The following FBXO42 variants were observed in gnomAD, a reference collection of about 807,000 sequenced individuals.
The protein encoded by FBXO42 is F-box only protein 42.
A neutral mutation model predicts 71.7 loss-of-function variants in FBXO42; 12 were observed. That is an observed-to-expected ratio of 0.17 (90% CI 0.11 to 0.27). The LOEUF (loss-of-function observed/expected upper bound fraction) is 0.27. Ranked by LOEUF, FBXO42 falls within the 10% of genes least tolerant of loss-of-function variation. The pLI is 1.00. For missense variants in FBXO42, 707 were observed against 911.9 expected, an observed-to-expected ratio of 0.78 and a Z score of 2.89; for synonymous variants, 325 against 327.5, an observed-to-expected ratio of 0.99 and a Z score of 0.08.
chr1:16,284,974 A>C (rs1253106915), intron 4 of FBXO42, among the ~76,000 whole-genome samples: 2 of 151,148 alleles, frequency 1.3e-5, no homozygotes, highest in African/African-American at 4.9e-5. Context: ...TGTCTCAAAA[A>C]ACAAAACAAA....
At position 16,349,870 on chromosome 1, in the gene FBXO42, A is replaced by G. The variant is rs571882508; in HGVS notation, c.-18+2385T>C. On this transcript the variant is annotated intron_variant, in intron 1 of 9. Transcript: ENST00000375592. ...AAAACTATGTCTCAAAAAACAAACA[A>G]AAAGAGTTAATTCATTGACTAAAAC... Among the ~76,000 whole-genome samples, 5 of 152,346 alleles carry G rather than the reference A, an allele frequency of 3.3e-5. No individual in the cohort carries two copies. In the South Asian group the frequency reaches 1.0e-3, roughly 32 times the overall value.
At position 16,252,454 on chromosome 1, in the gene FBXO42, A is replaced by T; in HGVS notation, c.922-50T>A. 7.3e-7 allele frequency: 1 copy of T among 1,374,132 alleles called. No individual in the cohort carries two copies. Among genetic ancestry groups the T allele is most frequent in the Non-Finnish European group, 1.0e-6 (1 of 965,006 alleles). 85.1% of individuals were successfully genotyped at this position (1,374,132 alleles called of 1,614,324 possible). A position where few individuals can be genotyped will look rare whatever the true frequency, so the allele number is the denominator to read the frequency against. On this transcript the variant is annotated intron_variant, in intron 8 of 9. Coordinates refer to ENST00000375592, the MANE Select transcript of FBXO42 (RefSeq NM_018994.3). The surrounding 1 kb of genome is among the most constrained non-coding windows in gnomAD (Gnocchi z 4.4). Reference sequence around the variant, plus strand: ...AGACTCAGGTGTGATATGCGTTCCAAAACACACACACACAGAGTTGCAGTC... The same window carrying T: ...AGACTCAGGTGTGATATGCGTTCCATAACACACACACACAGAGTTGCAGTC...
intron 1 of FBXO42, among the ~76,000 whole-genome samples, chr1:16,326,069 T>TCTGTGTGTG (rs1185676630): frequency 6.6e-6 from 1 of 151,284 alleles, no homozygotes; most frequent in African/African-American, 2.4e-5. Context: ...TCTGTGTGTG[T>TCTGTGTGTG]TTTGAGATGG....
chr1:16,350,796 A>AGAAAGAAAGAAAG (rs59531912), intron 1 of FBXO42, among the ~76,000 whole-genome samples: 3 of 151,186 alleles, frequency 2.0e-5, no homozygotes, highest in South Asian at 2.1e-4. Context: ...AAAGAAAGAA[A>AGAAAGAAAGAAAG]ATGGTCAAAT....
intron 4 of FBXO42, among the ~76,000 whole-genome samples, chr1:16,280,398 T>C (rs2081950681): frequency 1.3e-5 from 2 of 152,192 alleles, no homozygotes; most frequent in African/African-American, 2.4e-5. Flanking sequence ...GATGGGATCT[T>C]AGAACAGAAA....
intron 1 of FBXO42, among the ~76,000 whole-genome samples, chr1:16,349,309 C>T (rs1308862878): frequency 3.9e-5 from 6 of 152,150 alleles, no homozygotes; most frequent in African/African-American, 9.7e-5. Context: ...TAGCACTTAA[C>T]GGGTTTCCTT....
rs377761717 is a variant in FBXO42 at position 16,312,316 on chromosome 1, C to T, written c.250+2853G>A. ...GACGGAGGTTGCAGTGAGCCAAAAT[C>T]GCACCAATGCACTCCAGCCTGGGCA... On this transcript the variant is annotated intron_variant, in intron 2 of 9. Transcript: ENST00000375592. 1.0e-3 allele frequency among the ~76,000 whole-genome samples: 153 copies of T among 152,156 alleles called. 5 individuals carry two copies. In the South Asian group the frequency reaches 0.03, roughly 30 times the overall value.
chr1:16,315,110 T>C, intron 2 of FBXO42, 59 bp downstream of exon 2: 1 of 1,535,052 alleles, frequency 6.5e-7, no homozygotes, highest in Non-Finnish European at 8.8e-7. Flanking sequence ...ATTTGGAGTC[T>C]AAAAATAAAT....
chr1:16,280,828 T>G (rs1333483884), intron 4 of FBXO42, among the ~76,000 whole-genome samples: 2 of 152,108 alleles, frequency 1.3e-5, no homozygotes, highest in Non-Finnish European at 2.9e-5. Context: ...CATGGCTTAG[T>G]AGAAAGAACA....
At position 16,251,639 on chromosome 1, in the gene FBXO42, T is replaced by A. The variant is rs61731120; in HGVS notation, c.1185A>T (p.Val395=). ...CACAAGGAGCTTCATCCATGCTTCTTACTGGAGACTGAGAGCGGTACTCTC... is the reference window on the plus strand; with the variant it reads ...CACAAGGAGCTTCATCCATGCTTCTAACTGGAGACTGAGAGCGGTACTCTC... The part of the protein sequence containing the change: ...ETREYRSQSP[V]RSMDEAPCVN... Residue 395 remains valine (V), a synonymous_variant, in exon 10 of 10, where the codon GTA becomes GTT. Transcript: ENST00000375592. The surrounding 1 kb of genome is among the most constrained non-coding windows in gnomAD (Gnocchi z 4.5). 3.1e-6 allele frequency: 5 copies of A among 1,614,150 alleles called. No homozygotes were observed. The highest frequency in any genetic ancestry group is 4.2e-6 in the Non-Finnish European group (5 of 1,180,034).
At chr1:16,264,500 A>G (rs1044587268) in intron 4 of FBXO42, among the ~76,000 whole-genome samples, 5 of 152,232 alleles carry the variant, frequency 3.3e-5, no homozygotes, top group African/African-American at 1.2e-4. Flanking sequence ...TTACTGCACA[A>G]AAGTGAAGAA....
intron 1 of FBXO42, among the ~76,000 whole-genome samples, chr1:16,331,011 C>CT (rs1274812976): frequency 6.6e-6 from 1 of 151,782 alleles, no homozygotes; most frequent in Admixed American, 6.6e-5. Context: ...GTCCCAACTA[C>CT]TGGGGAGGCT....
chr1:16,251,111 G>A lies in FBXO42; in HGVS notation c.1713C>T (p.Pro571=), dbSNP rs766018431. The stretch of plus-strand genomic sequence containing the variant: ...GAGGACTTAGTGCTGCAGAGGCCGA[G>A]GGGCCTTTGGAGGACATCGCTTTGA... ...EAIKAMSSKG[P]SASAALSPPL... is the part of the protein sequence containing the mutation. Residue 571 remains proline (P), a synonymous_variant, in exon 10 of 10, where the codon CCC becomes CCT. Transcript: ENST00000375592. The surrounding 1 kb of genome is among the most constrained non-coding windows in gnomAD (Gnocchi z 4.5). 4.6e-5 allele frequency: 74 copies of A among 1,614,056 alleles called. 1 individual carries two copies. The East Asian group carries it at 1.3e-3, about 28-fold the overall frequency.
rs146384436 is a variant in FBXO42, at chr1:16,252,678, G to T, written c.922-274C>A. The stretch of plus-strand genomic sequence containing the variant: ...TTGACACTTGCCCATAATTTTATGT[G>T]TATGTATTGGGGATTGAAGGAGAGG... On this transcript the variant is annotated intron_variant, in intron 8 of 9. Coordinates refer to ENST00000375592, the MANE Select transcript of FBXO42 (RefSeq NM_018994.3). This position sits in a 1 kb window ranked among gnomAD's most constrained non-coding sequence, Gnocchi z 4.4. 2.0e-3 allele frequency among the ~76,000 whole-genome samples: 306 copies of T among 152,304 alleles called. 1 individual carries two copies. Among genetic ancestry groups the T allele is most frequent in the African/African-American group, 7.0e-3 (291 of 41,560 alleles).
At chr1:16,312,131 G>A (rs1204256876) in intron 2 of FBXO42, among the ~76,000 whole-genome samples, 1 of 152,130 alleles carries the variant, frequency 6.6e-6, no homozygotes, top group Non-Finnish European at 1.5e-5. Context: ...AGCTGAGGCA[G>A]GAAAATCATT....
chr1:16,260,856 C>T (rs1397798668), intron 4 of FBXO42, among the ~76,000 whole-genome samples: 1 of 152,068 alleles, frequency 6.6e-6, no homozygotes, highest in Non-Finnish European at 1.5e-5. Flanking sequence ...CAGGCCACTA[C>T]ATCCAGCTAA....
intron 4 of FBXO42, among the ~76,000 whole-genome samples, chr1:16,271,223 C>T (rs1411008138): frequency 1.2e-4 from 18 of 150,568 alleles, no homozygotes. Flanking sequence ...TTTGGCCATA[C>T]TTTGATCCCT....
In FBXO42 at chr1:16,251,014, G is replaced by A. The variant is rs1314758980; in HGVS notation, c.1810C>T (p.Pro604Ser). The stretch of plus-strand genomic sequence containing the variant: ...TGTCCATCTCCTTGGGCAGGCCCTG[G>A]GCGAGGGATGGGCACTGTTTCTCCA... ...SSGETVPIPR[P>S]GPAQGDGHSL... is the part of the protein sequence containing the mutation. Residue 604 changes from proline (P) to serine (S), a missense_variant, in exon 10 of 10, where the codon CCA becomes TCA. Around this residue, in one of 5 missense-constraint regions of FBXO42, gnomAD observed 482 missense variants for 587.1 expected, o/e 0.82. Transcript: ENST00000375592. The surrounding 1 kb of genome is among the most constrained non-coding windows in gnomAD (Gnocchi z 4.5). 2.5e-6 allele frequency: 4 copies of A among 1,614,072 alleles called. No homozygotes were observed. The Admixed American group carries it at 6.7e-5, about 27-fold the overall frequency.
chr1:16,255,661 C>T, intron 6 of FBXO42, 50 bp downstream of exon 6: 1 of 1,479,884 alleles, frequency 6.8e-7, no homozygotes, highest in African/African-American at 1.4e-5. Flanking sequence ...CCTGTTATTC[C>T]CAGGAGTATT....
Sources: allele counts gnomAD v4.1 joint callset (sites outside exome capture counted in the v4.1 genomes callset), GRCh38; gene constraint gnomAD v4.1.1; regional missense constraint gnomAD v4.1.1; non-coding constraint Gnocchi (gnomAD v3.1); transcripts MANE v1.5; gene names NCBI Gene and HGNC (gene_info 2026-07-23, HGNC 2026-07-21).